LIFR: variants seen among roughly 807,000 people sequenced by gnomAD.
LIFR encodes the protein LIF receptor subunit alpha.
Under a neutral mutation model 122.2 loss-of-function variants are expected in LIFR, and 84 were observed. The ratio of observed to expected loss-of-function variants is 0.69; its 90% CI spans 0.58 to 0.82. LIFR has a LOEUF of 0.82. Ranked by LOEUF, LIFR falls within the 40% of genes least tolerant of loss-of-function variation. The pLI, the probability that LIFR is intolerant of heterozygous loss-of-function variation, is 0.00. For missense variants in LIFR, 1,294 were observed against 1,311.6 expected, an observed-to-expected ratio of 0.99 and a Z score of 0.21; for synonymous variants, 422 against 434.7, an observed-to-expected ratio of 0.97 and a Z score of 0.36.
chr5:38,488,740 TAA>T (rs142943680), intron 16 of LIFR, among the ~76,000 whole-genome samples: 8,101 of 152,320 alleles, frequency 0.053, 323 homozygotes, highest in Admixed American at 0.087. Context: ...TCCACTGCTG[TAA>T]GTAAAAGATT....
At chr5:38,581,161 G>A (rs1749568611) in intron 1 of LIFR, among the ~76,000 whole-genome samples, 1 of 152,120 alleles carries the variant, frequency 6.6e-6, no homozygotes, top group East Asian at 1.9e-4. Context: ...TTATAAAAAC[G>A]CTTTAGCTGA....
intron 1 of LIFR, chr5:38,607,513 ACTCTCT>A (rs60564000): frequency 5.1e-4 from 75 of 147,768 alleles, no homozygotes; most frequent in Non-Finnish European, 8.0e-4. Context: ...TCTCATATGC[ACTCTCT>A]CTCTCTCTCT....
chr5:38,501,932 C>A (rs1745201732), intron 11 of LIFR, among the ~76,000 whole-genome samples: 1 of 151,148 alleles, frequency 6.6e-6, no homozygotes. Context: ...CCACATTTCT[C>A]AGGTCTAGGT....
intron 5 of LIFR, among the ~76,000 whole-genome samples, chr5:38,512,848 T>A (rs1745874820): frequency 6.6e-6 from 1 of 152,212 alleles, no homozygotes; most frequent in South Asian, 2.1e-4. Context: ...ATTAATGGGG[T>A]TGCACTTTCA....
At chr5:38,484,999 T>G in intron 17 of LIFR, 131 bp from the exon 18 acceptor site, 1 of 663,240 alleles carries the variant, frequency 1.5e-6, no homozygotes, top group South Asian at 1.6e-5. Flanking sequence ...GCAGGGACAC[T>G]GAAAAACTAT....
At chr5:38,540,644 C>T (rs553131292) in intron 1 of LIFR, among the ~76,000 whole-genome samples, 5 of 152,262 alleles carry the variant, frequency 3.3e-5, no homozygotes, top group African/African-American at 9.6e-5. Flanking sequence ...CCACAGAGGA[C>T]GAGCGGCCAG....
At chr5:38,566,589 C>CT (rs1409696461) in intron 1 of LIFR, among the ~76,000 whole-genome samples, 1 of 152,182 alleles carries the variant, frequency 6.6e-6, no homozygotes, top group Non-Finnish European at 1.5e-5. Flanking sequence ...TTGGATAACA[C>CT]TGAGTTAAAC....
chr5:38,502,708 C>G lies in LIFR; in HGVS notation c.1529G>C (p.Arg510Pro). ...NPYTLYTFRIRCSTETFWKWS... is the reference protein window; with the variant it reads ...NPYTLYTFRIPCSTETFWKWS... ...TTTCCAGAAAGTTTCAGTAGAACAA[C>G]GAATCCGAAAAGTATATAGAGTGTA... Residue 510 changes from arginine (R) to proline (P), a missense_variant, in exon 11 of 20, where the codon CGT becomes CCT. Coordinates refer to ENST00000453190, the MANE Select transcript of LIFR (RefSeq NM_001127671.2). 1.9e-6 allele frequency: 3 copies of G among 1,612,450 alleles called. No homozygotes were observed. Among genetic ancestry groups the G allele is most frequent in the Non-Finnish European group, 2.5e-6 (3 of 1,178,672 alleles).
At chr5:38,600,681 T>G in intron 2 of LIFR, among the ~76,000 whole-genome samples, 1 of 152,216 alleles carries the variant, frequency 6.6e-6, no homozygotes, top group East Asian at 1.9e-4. Context: ...TCCTGGCTCC[T>G]TTTCCTCTCT....
intron 1 of LIFR, among the ~76,000 whole-genome samples, chr5:38,538,642 C>T (rs1457134997): frequency 6.6e-6 from 1 of 152,198 alleles, no homozygotes; most frequent in Non-Finnish European, 1.5e-5. Flanking sequence ...TTACCTAAAA[C>T]ATGCCTTGAC....
chr5:38,580,641 C>T (rs1483369328), intron 1 of LIFR, among the ~76,000 whole-genome samples: 1 of 152,162 alleles, frequency 6.6e-6, no homozygotes, highest in Non-Finnish European at 1.5e-5. Context: ...CTCCACCTAA[C>T]CTCACATCTG....
chr5:38,560,560 A>G (rs1205309745), upstream of LIFR, among the ~76,000 whole-genome samples: 3 of 151,832 alleles, frequency 2.0e-5, no homozygotes, highest in African/African-American at 7.3e-5. Flanking sequence ...CTTGGCCCCA[A>G]CAGGATTGCA....
At chr5:38,586,007 T>C (rs1481679785) in intron 1 of LIFR, among the ~76,000 whole-genome samples, 2 of 152,118 alleles carry the variant, frequency 1.3e-5, no homozygotes, top group Non-Finnish European at 2.9e-5. Context: ...CTAAGCCGAG[T>C]GTAGCATCAC....
rs139248720 is a variant in LIFR, at chr5:38,485,854, G to C, written c.2462C>G (p.Pro821Arg). Residue 821 changes from proline to arginine, a missense_variant, in exon 17 of 20, where the codon CCG becomes CGG. Pro to Arg is a moderately radical substitution (Grantham distance 103, BLOSUM62 -2). Transcript: ENST00000453190. ...TGTCACCACATACATACTCTTCTCC[G>C]GGCCCACTCCACCATCTGTATAGGC... is the stretch of plus-strand genomic sequence containing the variant. ...LRAYTDGGVG[P>R]EKSMYVVTKE... is the part of the protein sequence containing the mutation. The C allele has an allele frequency of 1.2e-4, 187 of 1,613,902 alleles. No individual in the cohort carries two copies. The highest frequency in any genetic ancestry group is 1.5e-4 in the Non-Finnish European group (177 of 1,179,998).
At chr5:38,533,312 G>A (rs754495397) in intron 1 of LIFR, among the ~76,000 whole-genome samples, 7 of 152,182 alleles carry the variant, frequency 4.6e-5, no homozygotes, top group Non-Finnish European at 7.3e-5. Context: ...GAATAAATCT[G>A]TAAGACTGTT....
chr5:38,519,449 C>T (rs949935218), intron 5 of LIFR, among the ~76,000 whole-genome samples: 2 of 152,020 alleles, frequency 1.3e-5, no homozygotes, highest in African/African-American at 4.8e-5. Context: ...TGAGTATTAT[C>T]ATTTCTGTGT....
At chr5:38,501,806 G>A (rs1431665869) in intron 11 of LIFR, among the ~76,000 whole-genome samples, 1 of 150,804 alleles carries the variant, frequency 6.6e-6, no homozygotes, top group Non-Finnish European at 1.5e-5. Flanking sequence ...CTGGTTATTC[G>A]AAGATAGAAT....
Position 38,504,013 on chromosome 5 carries a change from T to A in LIFR, c.1400A>T (p.Glu467Val), listed in dbSNP as rs772318537. 6.3e-7 allele frequency: 1 copy of A among 1,585,834 alleles called. No homozygotes were observed. Among genetic ancestry groups the A allele is most frequent in the Non-Finnish European group, 8.7e-7 (1 of 1,154,736 alleles). ...GNFAKINFLC[E>V]IEIKKSNSVQ... ...TGAATTAGATTTCTTAATTTCAATT[T>A]CACATAAAAAATTAATCTTTGCAAA... Residue 467 changes from glutamate to valine, a missense_variant, in exon 10 of 20, where the codon GAA becomes GTA. Coordinates refer to ENST00000453190, the MANE Select transcript of LIFR (RefSeq NM_001127671.2).
At position 38,495,219 on chromosome 5, in the gene LIFR, A is replaced by G. The variant is rs1329613901; in HGVS notation, c.1885+1163T>C. Among the ~76,000 whole-genome samples, 5 of 152,216 alleles carry G rather than the reference A, an allele frequency of 3.3e-5. No homozygotes were observed. The East Asian group carries it at 7.7e-4, about 23-fold the overall frequency. On this transcript the variant is annotated intron_variant, in intron 13 of 19. Transcript: ENST00000453190. ...TAAATTACCATTTTCTAAGGGATAC[A>G]CAGAAAAGGTAGGATTATGTTTCCT...
Sources: gnomAD v4.1 joint callset for allele counts (sites outside exome capture counted in the v4.1 genomes callset) on GRCh38, gnomAD v4.1.1 for gene constraint, MANE v1.5 for transcripts, NCBI Gene and HGNC (gene_info 2026-07-23, HGNC 2026-07-21) for gene names.